Variants in RFC3 observed in about 807,000 individuals in gnomAD.
The protein encoded by RFC3 is A1 38 kDa subunit.
In RFC3, 41 loss-of-function variants were observed where a neutral mutation model predicts 45.1. That is an observed-to-expected ratio of 0.91 (90% CI 0.71 to 1.18). The LOEUF is 1.18. Ranked by LOEUF, RFC3 falls within the 50% of genes most tolerant of loss-of-function variation. The pLI is 0.00. For missense variants in RFC3, 423 were observed against 428.1 expected, an observed-to-expected ratio of 0.99 and a Z score of 0.10; for synonymous variants, 149 against 144.0, an observed-to-expected ratio of 1.03 and a Z score of -0.25.
intron 8 of RFC3, among the ~76,000 whole-genome samples, chr13:33,889,688 T>C (rs187118251): frequency 6.6e-6 from 1 of 152,318 alleles, no homozygotes; most frequent in East Asian, 1.9e-4. Context: ...TTGCAACCAT[T>C]GACCACCCTC....
intron 8 of RFC3, among the ~76,000 whole-genome samples, chr13:33,892,160 T>G (rs572227376): frequency 6.6e-6 from 1 of 152,138 alleles, no homozygotes; most frequent in Non-Finnish European, 1.5e-5. Flanking sequence ...CTTTGAGAGA[T>G]AGCTGAGACA....
intron 1 of RFC3, 97 bp downstream of exon 1, chr13:33,818,362 G>C (rs758526188): frequency 3.2e-6 from 3 of 946,490 alleles, no homozygotes; most frequent in Non-Finnish European, 3.3e-6. Flanking sequence ...GCCCGCATTG[G>C]AAGGTGATAA....
At chr13:33,831,212 G>A (rs1425664129) in intron 6 of RFC3, 44 bp from the exon 7 acceptor site, 2 of 1,223,430 alleles carry the variant, frequency 1.6e-6, no homozygotes, top group Admixed American at 1.7e-5. Context: ...TAGGACATAA[G>A]CACACTTCTG....
chr13:33,818,331 C>A, intron 1 of RFC3, 66 bp downstream of exon 1: 1 of 1,354,630 alleles, frequency 7.4e-7, no homozygotes, highest in Non-Finnish European at 1.1e-6. Context: ...TCGCGCCCCC[C>A]TGAGGAGCAG....
intron 8 of RFC3, among the ~76,000 whole-genome samples, chr13:33,888,405 T>C (rs2082540771): frequency 6.6e-6 from 1 of 152,242 alleles, no homozygotes; most frequent in Non-Finnish European, 1.5e-5. Context: ...TAACCACAGT[T>C]TCCTGTAATT....
chr13:33,851,097 G>A (rs947200878), intron 8 of RFC3, among the ~76,000 whole-genome samples: 7 of 152,138 alleles, frequency 4.6e-5, no homozygotes, highest in Non-Finnish European at 1.0e-4. Flanking sequence ...GATTCTTATG[G>A]CTTGAGAGCA....
chr13:33,834,298 G>GTGTGTGTGTA (rs1302839326), intron 7 of RFC3, among the ~76,000 whole-genome samples: 1 of 109,220 alleles, frequency 9.2e-6, no homozygotes, highest in Admixed American at 1.0e-4. Flanking sequence ...TGTACTGTGT[G>GTGTGTGTGTA]TATATATATA....
intron 8 of RFC3, among the ~76,000 whole-genome samples, chr13:33,903,707 T>G (rs184693729): frequency 5.9e-5 from 9 of 152,216 alleles, no homozygotes; most frequent in Admixed American, 5.9e-4. Flanking sequence ...TGTATTACTT[T>G]CCCTGGAGCC....
exon 9 of RFC3, chr13:33,966,217 T>C: frequency 1.1e-6 from 1 of 920,618 alleles, no homozygotes; most frequent in Non-Finnish European, 1.8e-6. Flanking sequence ...GCTCTGAATG[T>C]CCTGACACCT....
chr13:33,874,440 C>T (rs191985099), intron 8 of RFC3, among the ~76,000 whole-genome samples: 36 of 152,370 alleles, frequency 2.4e-4, no homozygotes, highest in Admixed American at 1.7e-3. Flanking sequence ...GCCTCAGCCT[C>T]CTGTGTAGCT....
intron 8 of RFC3, among the ~76,000 whole-genome samples, chr13:33,904,263 T>C (rs2082658883): frequency 6.6e-6 from 1 of 152,114 alleles, no homozygotes; most frequent in African/African-American, 2.4e-5. Context: ...CAAAACTATA[T>C]AGTTTCTAAA....
chr13:33,965,377 A>G (rs1176019270), intron 8 of RFC3, among the ~76,000 whole-genome samples: 1 of 152,166 alleles, frequency 6.6e-6, no homozygotes, highest in African/African-American at 2.4e-5. Flanking sequence ...ACCATTGCCA[A>G]GAGTATTCAG....
At chr13:33,845,699 G>T (rs546364261) in intron 8 of RFC3, among the ~76,000 whole-genome samples, 1 of 152,194 alleles carries the variant, frequency 6.6e-6, no homozygotes, top group East Asian at 1.9e-4. Flanking sequence ...GAATTTCATT[G>T]CACTTCCTCA....
chr13:33,939,371 A>G (rs1292305744), intron 8 of RFC3, among the ~76,000 whole-genome samples: 1 of 152,104 alleles, frequency 6.6e-6, no homozygotes, highest in African/African-American at 2.4e-5. Context: ...GATTGGGCTC[A>G]GTAAAAACTC....
intron 8 of RFC3, among the ~76,000 whole-genome samples, chr13:33,949,824 G>T (rs1455273563): frequency 6.6e-6 from 1 of 152,152 alleles, no homozygotes; most frequent in Non-Finnish European, 1.5e-5. Context: ...AGAACAAAAA[G>T]ACTGACCTTT....
chr13:33,930,249 G>A (rs7327477), intron 8 of RFC3, among the ~76,000 whole-genome samples: 22,592 of 152,068 alleles, frequency 0.15, 2,123 homozygotes, highest in Admixed American at 0.24. Flanking sequence ...CCGTCTGCAA[G>A]TTGAGGAGCA....
chr13:33,874,413 G>A (rs1318340962), intron 8 of RFC3, among the ~76,000 whole-genome samples: 1 of 152,230 alleles, frequency 6.6e-6, no homozygotes, highest in East Asian at 1.9e-4. Context: ...CGCCTTCCAG[G>A]TTCCAGCGAT....
chr13:33,933,836 G>A (rs1427512210), intron 8 of RFC3, among the ~76,000 whole-genome samples: 1 of 151,864 alleles, frequency 6.6e-6, no homozygotes, highest in Non-Finnish European at 1.5e-5. Flanking sequence ...TAAAATTTGG[G>A]GTTTTAAAGT....
chr13:33,863,048 A>G (rs1289288856), intron 8 of RFC3, among the ~76,000 whole-genome samples: 2 of 152,212 alleles, frequency 1.3e-5, no homozygotes, highest in Non-Finnish European at 2.9e-5. Flanking sequence ...TGTTTCCCAC[A>G]GAGAATGTGT....
Sources: gnomAD v4.1 joint callset for allele counts (sites outside exome capture counted in the v4.1 genomes callset) on GRCh38, gnomAD v4.1.1 for gene constraint, MANE v1.5 for transcripts, NCBI Gene and HGNC (gene_info 2026-07-23, HGNC 2026-07-21) for gene names.